The following CFAP77 variants were observed in gnomAD, a reference collection of about 807,000 sequenced individuals.
CFAP77 encodes the protein cilia and flagella associated protein 77, also known as cilia- and flagella-associated protein 77.
Under a neutral mutation model 31.1 loss-of-function variants are expected in CFAP77, and 25 were observed. The observed-to-expected ratio is 0.80, with a 90% CI of 0.59 to 1.12. CFAP77 has a LOEUF of 1.12. Among genes scored for constraint, CFAP77 ranks in the 50% most tolerant of loss-of-function variants. The probability of loss-of-function intolerance (pLI) is 0.00; values close to 1 mark genes in which losing one functional copy is unlikely to be tolerated. For synonymous variants in CFAP77, 151 were observed against 159.9 expected (o/e 0.94, Z 0.42); for missense variants, 377 against 397.3 (o/e 0.95, Z 0.44).
At chr9:132,416,292 T>C (rs1850094173) in intron 1 of CFAP77, among the ~76,000 whole-genome samples, 1 of 151,550 alleles carries the variant, frequency 6.6e-6, no homozygotes, top group African/African-American at 2.4e-5. Context: ...ATGCTATAAC[T>C]GTTGATATGC....
Position 132,499,109 on chromosome 9 carries a change from C to T in CFAP77, c.296-263C>T, listed in dbSNP as rs2118961836. On this transcript the variant is annotated intron_variant, in intron 2 of 5. Coordinates refer to ENST00000393216, the MANE Select transcript of CFAP77 (RefSeq NM_001282957.2). This position sits in a 1 kb window ranked among gnomAD's most constrained non-coding sequence, Gnocchi z 5.4. ...AGAATGGAATGAGACTGGGACCAAC[C>T]CTCTGCCTGCCCAGAGGAAGTCAAG... Among the ~76,000 whole-genome samples the T allele has an allele frequency of 6.6e-6, 1 of 152,308 alleles. No homozygotes were observed. The highest frequency in any genetic ancestry group is 1.9e-4 in the East Asian group (1 of 5,176).
In CFAP77 at chr9:132,438,199, CAAAAAAAAAAA is replaced by C. The variant is rs954482789; in HGVS notation, c.195+27745_195+27755del. On this transcript the variant is annotated intron_variant, in intron 1 of 5. Transcript: ENST00000393216. ...CCTGGGAGACAGAGCGAGACGCCAT[CAAAAAAAAAAA>C]AAAAAAAAAAAGACATTGGAAAATA... 1.9e-4 allele frequency among the ~76,000 whole-genome samples: 9 copies of C among 47,864 alleles called. No individual in the cohort carries two copies. In the South Asian group the frequency reaches 7.5e-3, roughly 40 times the overall value. 31.4% of individuals were successfully genotyped at this position (47,864 alleles called of 152,430 possible). A position where few individuals can be genotyped will look rare whatever the true frequency, so the allele number is the denominator to read the frequency against.
At chr9:132,477,458 G>A (rs188796159) in intron 1 of CFAP77, among the ~76,000 whole-genome samples, 307 of 152,316 alleles carry the variant, frequency 2.0e-3, no homozygotes, top group African/African-American at 7.1e-3. Flanking sequence ...AGAATACATA[G>A]CGAGTTGTTG....
intron 1 of CFAP77, among the ~76,000 whole-genome samples, chr9:132,478,072 G>C (rs1851380516): frequency 6.6e-6 from 1 of 152,024 alleles, no homozygotes; most frequent in East Asian, 1.9e-4. Context: ...ATATGGTTTG[G>C]CTCTGTGTCC....
intron 3 of CFAP77, among the ~76,000 whole-genome samples, chr9:132,513,903 G>C (rs781742344): frequency 2.1e-4 from 30 of 144,912 alleles, no homozygotes; most frequent in African/African-American, 7.5e-4. Context: ...CATTGACCAC[G>C]GGTGACTGTG....
In CFAP77 at chr9:132,498,649, C is replaced by T; in HGVS notation, c.196-46C>T. ...GCTGCCGGATTACAATACATTTGGTCTGAGACTCCACTCCTCACCTCTGCT... is the reference window on the plus strand; with the variant it reads ...GCTGCCGGATTACAATACATTTGGTTTGAGACTCCACTCCTCACCTCTGCT... On this transcript the variant is annotated intron_variant, in intron 1 of 5. Coordinates refer to ENST00000393216, the MANE Select transcript of CFAP77 (RefSeq NM_001282957.2). This position sits in a 1 kb window ranked among gnomAD's most constrained non-coding sequence, Gnocchi z 4.2. The T allele has an allele frequency of 7.0e-7, 1 of 1,427,848 alleles. No homozygotes were observed. The highest frequency in any genetic ancestry group is 9.8e-7 in the Non-Finnish European group (1 of 1,024,082). 88.4% of individuals were successfully genotyped at this position (1,427,848 alleles called of 1,614,324 possible).
At chr9:132,546,766 G>A (rs1438093873) in intron 5 of CFAP77, among the ~76,000 whole-genome samples, 1 of 152,238 alleles carries the variant, frequency 6.6e-6, no homozygotes, top group Non-Finnish European at 1.5e-5. Context: ...GGTGGCTGGG[G>A]CCCAGAAGGG....
intron 5 of CFAP77, among the ~76,000 whole-genome samples, chr9:132,559,317 C>A (rs1270289417): frequency 1.6e-5 from 2 of 128,090 alleles, no homozygotes; most frequent in East Asian, 2.3e-4. Context: ...TGCACTCCAG[C>A]CTGCGCGTCA....
intron 1 of CFAP77, among the ~76,000 whole-genome samples, chr9:132,418,221 C>T (rs769981903): frequency 3.3e-5 from 5 of 152,248 alleles, no homozygotes; most frequent in East Asian, 1.9e-4. Flanking sequence ...CACTGGGCCA[C>T]GTCTGGAGAC....
At position 132,517,770 on chromosome 9, in the gene CFAP77, C is replaced by T. The variant is rs1023808451; in HGVS notation, c.524+18170C>T. ...TGTCAGCCCTCATCCCCCGCACACA[C>T]AAAGTGTCAGCCTAATGTTTGCAAA... On this transcript the variant is annotated intron_variant, in intron 3 of 5. Transcript: ENST00000393216. The surrounding 1 kb of genome is among the most constrained non-coding windows in gnomAD (Gnocchi z 4.7). Among the ~76,000 whole-genome samples, 1 of 152,244 alleles carries T rather than the reference C, an allele frequency of 6.6e-6. No homozygotes were observed. The highest frequency in any genetic ancestry group is 2.4e-5 in the African/African-American group (1 of 41,458).
chr9:132,413,151 AT>A lies in CFAP77; in HGVS notation c.195+2693del, dbSNP rs575001527. ...GTTTTCTCCAATGAATAGGATCAGCATTTTTTTTCATTTAAAATGTAGAAAT... is the reference window on the plus strand; with the variant it reads ...GTTTTCTCCAATGAATAGGATCAGCATTTTTTTCATTTAAAATGTAGAAAT... On this transcript the variant is annotated intron_variant, in intron 1 of 5. Transcript: ENST00000393216. Among the ~76,000 whole-genome samples, 20 of 152,076 alleles carry A rather than the reference AT, an allele frequency of 1.3e-4. No individual in the cohort carries two copies. The South Asian group carries it at 3.5e-3, about 27-fold the overall frequency.
intron 5 of CFAP77, among the ~76,000 whole-genome samples, chr9:132,571,085 C>A (rs1829952506): frequency 6.6e-6 from 1 of 152,086 alleles, no homozygotes; most frequent in Non-Finnish European, 1.5e-5. Context: ...CTTTCTTCAC[C>A]CTAACCTGCA....
chr9:132,557,668 TG>T (rs1852925737), intron 5 of CFAP77, among the ~76,000 whole-genome samples: 1 of 152,162 alleles, frequency 6.6e-6, no homozygotes, highest in Admixed American at 6.5e-5. Context: ...GTCCTTACTT[TG>T]TTCTGGCACC....
chr9:132,508,267 G>T (rs932332620), intron 3 of CFAP77, among the ~76,000 whole-genome samples: 2 of 152,230 alleles, frequency 1.3e-5, no homozygotes, highest in Non-Finnish European at 2.9e-5. Context: ...CTCAGAGAAT[G>T]AATGTGTTCC....
At chr9:132,556,870 C>G (rs1852913654) in intron 5 of CFAP77, among the ~76,000 whole-genome samples, 1 of 152,134 alleles carries the variant, frequency 6.6e-6, no homozygotes, top group Non-Finnish European at 1.5e-5. Flanking sequence ...TTGGCGCTGG[C>G]TGTTTCTTCC....
intron 1 of CFAP77, among the ~76,000 whole-genome samples, chr9:132,436,877 G>A (rs1589849322): frequency 6.6e-6 from 1 of 152,278 alleles, no homozygotes; most frequent in East Asian, 1.9e-4. Flanking sequence ...TCCTTGTCTG[G>A]AGAGTGAACT....
rs779562750 is a variant in CFAP77 at position 132,459,422 on chromosome 9, T to G, written c.196-39273T>G. ...CCTAATGTGGCCTGGATGAATAGGGTGTGTGTGTGTGTGTGTGTGTGTGTG... is the reference window on the plus strand; with the variant it reads ...CCTAATGTGGCCTGGATGAATAGGGGGTGTGTGTGTGTGTGTGTGTGTGTG... On this transcript the variant is annotated intron_variant, in intron 1 of 5. Coordinates refer to ENST00000393216, the MANE Select transcript of CFAP77 (RefSeq NM_001282957.2). Among the ~76,000 whole-genome samples the G allele has an allele frequency of 6.6e-3, 722 of 109,856 alleles. 2 individuals carry two copies. The highest frequency in any genetic ancestry group is 0.011 in the Non-Finnish European group (569 of 53,916). The allele number at this position is 109,856 out of a possible 152,430, so 72.1% of individuals were successfully genotyped here. A position where few individuals can be genotyped will look rare whatever the true frequency, so the allele number is the denominator to read the frequency against.
At chr9:132,484,006 G>A (rs1190966403) in intron 1 of CFAP77, among the ~76,000 whole-genome samples, 4 of 148,334 alleles carry the variant, frequency 2.7e-5, no homozygotes, top group South Asian at 2.1e-4. Flanking sequence ...GTGCAATCTC[G>A]GCTCACTGAA....
At position 132,552,934 on chromosome 9, in the gene CFAP77, G is replaced by A. The variant is rs1461181277; in HGVS notation, c.732+9887G>A. On this transcript the variant is annotated intron_variant, in intron 5 of 5. Coordinates refer to ENST00000393216, the MANE Select transcript of CFAP77 (RefSeq NM_001282957.2). The surrounding 1 kb of genome is among the most constrained non-coding windows in gnomAD (Gnocchi z 5.5). ...AAAGGGAAATGTGCAGTTGGAGACC[G>A]CCTCTGTCTGTTAAACAGCCCTAAG... is the stretch of plus-strand genomic sequence containing the variant. Among the ~76,000 whole-genome samples the A allele has an allele frequency of 2.6e-5, 4 of 152,296 alleles. No homozygotes were observed. The highest frequency in any genetic ancestry group is 2.1e-4 in the South Asian group (1 of 4,832).
Sources: allele counts gnomAD v4.1 joint callset (sites outside exome capture counted in the v4.1 genomes callset), GRCh38; gene constraint gnomAD v4.1.1; non-coding constraint Gnocchi (gnomAD v3.1); transcripts MANE v1.5; gene names NCBI Gene and HGNC (gene_info 2026-07-23, HGNC 2026-07-21).